The following SMURF2 variants were observed in gnomAD, a reference collection of about 807,000 sequenced individuals.
The protein encoded by SMURF2 is E3 ubiquitin-protein ligase SMURF2.
SMURF2 carries 48 observed loss-of-function variants against 109.6 expected under a neutral mutation model. The observed-to-expected ratio is 0.44, with a 90% CI of 0.35 to 0.56. The LOEUF (loss-of-function observed/expected upper bound fraction) is 0.56, where lower values mean the gene tolerates loss of function less well. Among genes scored for constraint, SMURF2 ranks in the 20% least tolerant of loss-of-function variants. SMURF2 has a pLI of 0.01. For missense variants in SMURF2, 575 were observed against 909.0 expected, an observed-to-expected ratio of 0.63 and a Z score of 4.72; for synonymous variants, 288 against 317.1, an observed-to-expected ratio of 0.91 and a Z score of 0.97.
At chr17:64,587,474 C>T (rs373239696) in intron 5 of SMURF2, among the ~76,000 whole-genome samples, 13 of 152,320 alleles carry the variant, frequency 8.5e-5, no homozygotes, top group African/African-American at 3.1e-4. Flanking sequence ...TGAAGTCCTT[C>T]TTTGCCACTC....
At position 64,545,749 on chromosome 17, in the gene SMURF2, T is replaced by C. The variant is rs1369764618; in HGVS notation, c.*99A>G. 1 of 226,572 alleles carries C rather than the reference T, an allele frequency of 4.4e-6. No homozygotes were observed. The allele number at this position is 226,572 out of a possible 1,614,324, so 14.0% of individuals were successfully genotyped here. ...AAAAAAAAAAGGGGGGGGGGGGGAGTGTTTTCCTGTATTTCAGCATATTCT... is the reference window on the plus strand; with the variant it reads ...AAAAAAAAAAGGGGGGGGGGGGGAGCGTTTTCCTGTATTTCAGCATATTCT... On this transcript the variant is annotated 3_prime_UTR_variant, in exon 19 of 19. Transcript: ENST00000262435.
chr17:64,554,720 T>C (rs1230385083), intron 15 of SMURF2, 136 bp downstream of exon 15: 6 of 748,708 alleles, frequency 8.0e-6, no homozygotes, highest in Non-Finnish European at 1.3e-5. Context: ...AAAATGTCTG[T>C]TCTAAATAAG....
At chr17:64,584,361 CTTTT>C (rs372682588) in intron 6 of SMURF2, among the ~76,000 whole-genome samples, 3 of 112,750 alleles carry the variant, frequency 2.7e-5, no homozygotes, top group African/African-American at 7.5e-5. Context: ...CTTTTTTTTT[CTTTT>C]TTTTTTTTTT....
intron 6 of SMURF2, 140 bp downstream of exon 6, chr17:64,585,945 AT>A: frequency 2.2e-6 from 1 of 463,936 alleles, no homozygotes; most frequent in Non-Finnish European, 3.6e-6. Context: ...AAGATCTTCC[AT>A]TAATTTTACA....
At chr17:64,611,212 G>A (rs1970039977) in intron 1 of SMURF2, among the ~76,000 whole-genome samples, 1 of 152,008 alleles carries the variant, frequency 6.6e-6, no homozygotes, top group Admixed American at 6.6e-5. Flanking sequence ...TTTATTTTCT[G>A]GGGAGAGAAT....
At chr17:64,583,025 A>G (rs1598281624) in intron 7 of SMURF2, among the ~76,000 whole-genome samples, 1 of 152,116 alleles carries the variant, frequency 6.6e-6, no homozygotes, top group East Asian at 1.9e-4. Context: ...CCACGTCCCA[A>G]GTAGCTGGGA....
At chr17:64,625,801 G>A (rs1387733446) in intron 1 of SMURF2, among the ~76,000 whole-genome samples, 3 of 152,100 alleles carry the variant, frequency 2.0e-5, no homozygotes, top group African/African-American at 7.2e-5. Flanking sequence ...TGAAAACCAC[G>A]GCCTTAAATA....
In SMURF2 at chr17:64,606,603, G is replaced by A; in HGVS notation, c.90C>T (p.Phe30=). Residue 30 remains phenylalanine (F), a splice_region_variant and synonymous_variant, in exon 2 of 19, where the codon TTC becomes TTT. Transcript: ENST00000262435. ...AAGATTTAAAGTTAATTTACTTACG[G>A]AAAAAATCCTTTTTCACCAGGTTTT... The part of the protein sequence containing the change: ...CAKNLVKKDF[F]RLPDPFAKVV... 2.6e-6 allele frequency: 4 copies of A among 1,536,586 alleles called. No homozygotes were observed. The highest frequency in any genetic ancestry group is 3.5e-6 in the Non-Finnish European group (4 of 1,134,186).
At chr17:64,632,047 C>T (rs1162289812) in intron 1 of SMURF2, among the ~76,000 whole-genome samples, 1 of 150,802 alleles carries the variant, frequency 6.6e-6, no homozygotes, top group East Asian at 2.0e-4. Context: ...CAACCTCTGC[C>T]TCCCGGGTTC....
chr17:64,610,908 T>C (rs1970034970), intron 1 of SMURF2, among the ~76,000 whole-genome samples: 1 of 152,164 alleles, frequency 6.6e-6, no homozygotes. Context: ...ACCAAGTCCA[T>C]ACAATGGACA....
intron 2 of SMURF2, among the ~76,000 whole-genome samples, chr17:64,600,988 C>T (rs1446459089): frequency 6.6e-6 from 1 of 152,048 alleles, no homozygotes; most frequent in Non-Finnish European, 1.5e-5. Flanking sequence ...GTAGCTCACA[C>T]CTGTAATTTC....
At chr17:64,567,999 G>A (rs1254755652) in intron 10 of SMURF2, among the ~76,000 whole-genome samples, 7 of 151,978 alleles carry the variant, frequency 4.6e-5, no homozygotes, top group South Asian at 2.1e-4. Flanking sequence ...GACTACAGGC[G>A]TGCACCACCA....
chr17:64,552,865 A>C (rs530225740), intron 15 of SMURF2, among the ~76,000 whole-genome samples: 77 of 152,148 alleles, frequency 5.1e-4, no homozygotes, highest in Non-Finnish European at 4.4e-5. Flanking sequence ...CAACACGCTT[A>C]GCTAATTTTT....
At chr17:64,624,503 C>CAAAAAA (rs539075649) in intron 1 of SMURF2, among the ~76,000 whole-genome samples, 1 of 52,460 alleles carries the variant, frequency 1.9e-5, no homozygotes, top group Non-Finnish European at 4.1e-5. Flanking sequence ...CAGGCCTCTA[C>CAAAAAA]AAAAAAAAAA....
At chr17:64,573,617 A>AG (rs1969446714) in intron 9 of SMURF2, among the ~76,000 whole-genome samples, 1 of 152,138 alleles carries the variant, frequency 6.6e-6, no homozygotes, top group African/African-American at 2.4e-5. Flanking sequence ...TTTAAAAAAA[A>AG]GGGAGTTCGG....
intron 1 of SMURF2, among the ~76,000 whole-genome samples, chr17:64,611,512 C>T (rs1226989484): frequency 1.3e-5 from 2 of 152,158 alleles, no homozygotes; most frequent in African/African-American, 4.8e-5. Flanking sequence ...CCTTTCCACT[C>T]CACTACCCAA....
At chr17:64,641,387 C>T (rs1342771300) in intron 1 of SMURF2, among the ~76,000 whole-genome samples, 1 of 152,186 alleles carries the variant, frequency 6.6e-6, no homozygotes, top group African/African-American at 2.4e-5. Context: ...CCTGCTGCCA[C>T]TGCCACCACC....
chr17:64,621,987 A>AT (rs1555690691), intron 1 of SMURF2, among the ~76,000 whole-genome samples: 17,798 of 132,348 alleles, frequency 0.13, 2,746 homozygotes, highest in African/African-American at 0.39. Flanking sequence ...AATAATAATA[A>AT]AAAAAAGCAC....
At chr17:64,640,941 A>G (rs1555692517) in intron 1 of SMURF2, among the ~76,000 whole-genome samples, 1 of 151,864 alleles carries the variant, frequency 6.6e-6, no homozygotes, top group Non-Finnish European at 1.5e-5. Flanking sequence ...GAAAAAAGAA[A>G]AAAAAGAAAA....
Sources: allele counts gnomAD v4.1 joint callset (sites outside exome capture counted in the v4.1 genomes callset), GRCh38; gene constraint gnomAD v4.1.1; transcripts MANE v1.5; gene names NCBI Gene and HGNC (gene_info 2026-07-23, HGNC 2026-07-21).